FBXO34: variants seen among roughly 807,000 people sequenced by gnomAD.
FBXO34 encodes F-box only protein 34.
Under a neutral mutation model 24.5 loss-of-function variants are expected in FBXO34, and 12 were observed. That is an observed-to-expected ratio of 0.49 (90% CI 0.31 to 0.79). The LOEUF (loss-of-function observed/expected upper bound fraction) is 0.79, where lower values mean the gene tolerates loss of function less well. Among genes scored for constraint, FBXO34 ranks in the 30% least tolerant of loss-of-function variants. The pLI, the probability that FBXO34 is intolerant of heterozygous loss-of-function variation, is 0.04. For missense variants in FBXO34, 823 were observed against 857.7 expected (o/e 0.96, Z 0.51); for synonymous variants, 320 against 311.9 (o/e 1.03, Z -0.27).
At chr14:55,280,262 C>G (rs770301165) in intron 1 of FBXO34, among the ~76,000 whole-genome samples, 1 of 152,028 alleles carries the variant, frequency 6.6e-6, no homozygotes, top group African/African-American at 2.4e-5. Context: ...TGTAGAGCAG[C>G]GCTGTTGAGT....
At chr14:55,350,318 A>G in intron 1 of FBXO34, 63 bp from the exon 2 acceptor site, 2 of 1,280,406 alleles carry the variant, frequency 1.6e-6, no homozygotes, top group Non-Finnish European at 2.1e-6. Context: ...GCTTAAATTT[A>G]AAAACATTTT....
chr14:55,359,062 A>C (rs941989267), intron 3 of FBXO34, among the ~76,000 whole-genome samples: 1 of 152,036 alleles, frequency 6.6e-6, no homozygotes, highest in African/African-American at 2.4e-5. Flanking sequence ...CCACCGATGC[A>C]CCACTCCCAG....
intron 1 of FBXO34, among the ~76,000 whole-genome samples, chr14:55,318,706 TAAG>T (rs983431568): frequency 2.0e-5 from 3 of 151,904 alleles, no homozygotes; most frequent in African/African-American, 7.3e-5. Context: ...TATGAGGAGA[TAAG>T]AAAACACACA....
downstream of FBXO34, among the ~76,000 whole-genome samples, chr14:55,358,427 T>C (rs1884550782): frequency 1.3e-5 from 2 of 152,298 alleles, no homozygotes; most frequent in African/African-American, 4.8e-5. Flanking sequence ...AGAGCCCTCC[T>C]GCAGCACATC....
chr14:55,380,669 G>A, the FBXO34 span: 1 of 1,608,564 alleles, frequency 6.2e-7, no homozygotes, highest in Non-Finnish European at 8.5e-7. Flanking sequence ...GATGGTGTAG[G>A]CAGGGTTACT....
At chr14:55,436,951 T>C in the FBXO34 span, 3 of 1,614,222 alleles carry the variant, frequency 1.9e-6, no homozygotes, top group South Asian at 3.3e-5. Flanking sequence ...ATTGGATGCA[T>C]TCAGTATGTA....
chr14:55,312,121 A>G (rs185725479), intron 1 of FBXO34, among the ~76,000 whole-genome samples: 401 of 147,874 alleles, frequency 2.7e-3, no homozygotes, highest in Non-Finnish European at 4.7e-3. Flanking sequence ...AATCACTTGA[A>G]CCTGGGAGGT....
the FBXO34 span, chr14:55,382,232 G>T: frequency 5.1e-6 from 8 of 1,583,826 alleles, no homozygotes; most frequent in Middle Eastern, 1.7e-4. Context: ...AAGAGAGAGG[G>T]TTTTTAAGGG....
the FBXO34 span, among the ~76,000 whole-genome samples, chr14:55,410,773 T>G: frequency 1.3e-5 from 2 of 152,196 alleles, no homozygotes; most frequent in South Asian, 2.1e-4. Context: ...GCGAATGAAT[T>G]AATACCTGAA....
chr14:55,286,598 G>A (rs1182319320), intron 1 of FBXO34, among the ~76,000 whole-genome samples: 2 of 152,178 alleles, frequency 1.3e-5, no homozygotes, highest in African/African-American at 4.8e-5. Context: ...ATTGGAAAGT[G>A]TAGTGTTTGC....
At chr14:55,305,413 CAA>C (rs200938451) in intron 1 of FBXO34, among the ~76,000 whole-genome samples, 1,302 of 84,442 alleles carry the variant, frequency 0.015, 28 homozygotes, top group African/African-American at 0.052. Context: ...GACTGCATCT[CAA>C]AAAAAAAAAA....
chr14:55,334,115 G>C (rs1883690785), intron 1 of FBXO34, among the ~76,000 whole-genome samples: 1 of 152,174 alleles, frequency 6.6e-6, no homozygotes, highest in Non-Finnish European at 1.5e-5. Context: ...ACACAAGCCA[G>C]AGCCTGTTGT....
intron 1 of FBXO34, among the ~76,000 whole-genome samples, chr14:55,314,685 TACA>T (rs1209391995): frequency 2.6e-5 from 4 of 152,118 alleles, no homozygotes; most frequent in Admixed American, 1.3e-4. Flanking sequence ...AATTGGAGAA[TACA>T]ACAAATGAAA....
At chr14:55,344,321 T>G (rs1159414940) in intron 1 of FBXO34, among the ~76,000 whole-genome samples, 2 of 147,214 alleles carry the variant, frequency 1.4e-5, no homozygotes, top group Non-Finnish European at 3.0e-5. Flanking sequence ...TTTTACAGAC[T>G]TTTTTTTTTT....
chr14:55,317,836 T>C (rs1177236856), intron 1 of FBXO34, among the ~76,000 whole-genome samples: 1 of 152,214 alleles, frequency 6.6e-6, no homozygotes, highest in African/African-American at 2.4e-5. Context: ...CCTTACATCG[T>C]GATCCCTGGT....
chr14:55,431,466 T>C, the FBXO34 span, among the ~76,000 whole-genome samples: 4 of 152,240 alleles, frequency 2.6e-5, no homozygotes, highest in Non-Finnish European at 4.4e-5. Flanking sequence ...TCAGTATGTG[T>C]ACTATATGGC....
chr14:55,421,879 G>A, the FBXO34 span, among the ~76,000 whole-genome samples: 1 of 152,190 alleles, frequency 6.6e-6, no homozygotes, highest in African/African-American at 2.4e-5. Flanking sequence ...GCTGAGTTAT[G>A]ACTTAATCAA....
the FBXO34 span, chr14:55,411,865 A>C: frequency 2.0e-6 from 3 of 1,526,592 alleles, no homozygotes; most frequent in East Asian, 7.2e-5. Flanking sequence ...TTTTGTTTTC[A>C]ACCGGGTGCA....
chr14:55,387,404 G>A, the FBXO34 span, among the ~76,000 whole-genome samples: 2 of 152,092 alleles, frequency 1.3e-5, no homozygotes, highest in African/African-American at 4.8e-5. Context: ...TTTTCTAAAT[G>A]TTTGAATTTT....
Sources: gnomAD v4.1 joint callset for allele counts (sites outside exome capture counted in the v4.1 genomes callset) on GRCh38, gnomAD v4.1.1 for gene constraint, MANE v1.5 for transcripts, NCBI Gene and HGNC (gene_info 2026-07-23, HGNC 2026-07-21) for gene names.